TMTC3: variants seen among roughly 807,000 people sequenced by gnomAD.
The protein encoded by TMTC3 is protein O-mannosyl-transferase TMTC3.
TMTC3 carries 52 observed loss-of-function variants against 92.2 expected under a neutral mutation model. The observed-to-expected ratio is 0.56, with a 90% CI of 0.45 to 0.71. The LOEUF (loss-of-function observed/expected upper bound fraction) is 0.71, where lower values mean the gene tolerates loss of function less well. TMTC3 is among the 30% of genes least tolerant of loss of function. The probability of loss-of-function intolerance (pLI) is 0.00; values close to 1 mark genes in which losing one functional copy is unlikely to be tolerated. For synonymous variants in TMTC3, 339 were observed against 363.3 expected (o/e 0.93, Z 0.76); for missense variants, 896 against 1,057.1 (o/e 0.85, Z 2.11).
intron 8 of TMTC3, among the ~76,000 whole-genome samples, chr12:88,174,335 T>C (rs2041236350): frequency 6.6e-6 from 1 of 152,082 alleles, no homozygotes; most frequent in Admixed American, 6.6e-5. Flanking sequence ...AATTGGTTTT[T>C]TCCATTTTTT....
At position 88,153,288 on chromosome 12, in the gene TMTC3, T is replaced by TTTTTTTTA; in HGVS notation, c.190-3_190-2insTTTTTTTA. The TTTTTTTTA allele has an allele frequency of 6.2e-7, 1 of 1,606,046 alleles. No individual in the cohort carries two copies. The highest frequency in any genetic ancestry group is 1.7e-5 in the Admixed American group (1 of 59,122). On this transcript the variant is annotated splice_polypyrimidine_tract_variant and splice_region_variant and intron_variant, in intron 2 of 13. Coordinates refer to ENST00000266712, the MANE Select transcript of TMTC3 (RefSeq NM_181783.4). ...ATAATCACTGATCGTTTTTTCCTTG[T>TTTTTTTTA]AGGAGAGAAGCCACAAGTCTTACCG...
chr12:88,169,235 G>A (rs544252060), intron 7 of TMTC3, among the ~76,000 whole-genome samples: 2 of 152,258 alleles, frequency 1.3e-5, no homozygotes, highest in African/African-American at 4.8e-5. Flanking sequence ...GTATTAATCT[G>A]TTCAGCTTTG....
intron 1 of TMTC3, among the ~76,000 whole-genome samples, chr12:88,144,023 C>A (rs546348404): frequency 4.6e-5 from 7 of 152,154 alleles, no homozygotes; most frequent in African/African-American, 1.7e-4. Flanking sequence ...GATGCTAATG[C>A]ATTATAATTA....
intron 10 of TMTC3, among the ~76,000 whole-genome samples, chr12:88,184,822 C>G (rs1159225429): frequency 1.8e-4 from 28 of 152,022 alleles, no homozygotes; most frequent in Non-Finnish European, 3.2e-4. Context: ...TACACACACA[C>G]ATATGCATGC....
chr12:88,156,025 G>C (rs898061828), intron 4 of TMTC3, among the ~76,000 whole-genome samples: 1 of 152,090 alleles, frequency 6.6e-6, no homozygotes, highest in Non-Finnish European at 1.5e-5. Flanking sequence ...CAGGAGAATC[G>C]CTTGAACCTG....
chr12:88,152,870 G>A (rs1366164403), intron 2 of TMTC3, among the ~76,000 whole-genome samples: 1 of 152,112 alleles, frequency 6.6e-6, no homozygotes, highest in East Asian at 1.9e-4. Flanking sequence ...TAAGCATTCT[G>A]TTCTTACATT....
intron 10 of TMTC3, among the ~76,000 whole-genome samples, chr12:88,182,029 G>A (rs1394226259): frequency 6.6e-6 from 1 of 152,166 alleles, no homozygotes; most frequent in Non-Finnish European, 1.5e-5. Flanking sequence ...TAGAGATAGG[G>A]GCAATATTGC....
At position 88,160,864 on chromosome 12, in the gene TMTC3, G is replaced by A; in HGVS notation, c.797+13G>A. On this transcript the variant is annotated intron_variant, in intron 6 of 13. Coordinates refer to ENST00000266712, the MANE Select transcript of TMTC3 (RefSeq NM_181783.4). ...CAGTATTCACCAGGTATGAAATTCT[G>A]GTTCTTTGTTTTCTCCATTCTTTTT... 1 of 1,550,394 alleles carries A rather than the reference G, an allele frequency of 6.4e-7. No individual in the cohort carries two copies. Among genetic ancestry groups the A allele is most frequent in the Non-Finnish European group, 8.7e-7 (1 of 1,149,250 alleles).
At chr12:88,166,653 C>A in intron 7 of TMTC3, 71 bp downstream of exon 7, 1 of 1,470,822 alleles carries the variant, frequency 6.8e-7, no homozygotes, top group Admixed American at 2.4e-5. Flanking sequence ...ACCTTTAATT[C>A]AGCAAAAGCA....
intron 10 of TMTC3, among the ~76,000 whole-genome samples, chr12:88,183,356 A>G (rs1434639953): frequency 6.6e-6 from 1 of 152,154 alleles, no homozygotes; most frequent in Non-Finnish European, 1.5e-5. Flanking sequence ...GCCGAAAGTA[A>G]TGAGTTCATA....
At chr12:88,170,226 A>AT (rs1443944216) in intron 7 of TMTC3, among the ~76,000 whole-genome samples, 5 of 151,974 alleles carry the variant, frequency 3.3e-5, no homozygotes, top group East Asian at 3.9e-4. Context: ...TTCCTGAGAG[A>AT]TTTTTTTTGT....
chr12:88,172,942 TA>T, intron 8 of TMTC3, 197 bp downstream of exon 8: 1 of 1,474,978 alleles, frequency 6.8e-7, no homozygotes, highest in South Asian at 1.2e-5. Flanking sequence ...TTCTTCCCTA[TA>T]TTTATGTAAT....
chr12:88,150,185 T>C (rs2040924698), intron 2 of TMTC3, among the ~76,000 whole-genome samples: 1 of 152,142 alleles, frequency 6.6e-6, no homozygotes, highest in African/African-American at 2.4e-5. Context: ...AAGCTTGCAG[T>C]CATGGCAGAA....
At position 88,196,465 on chromosome 12, in the gene TMTC3, C is replaced by T. The variant is rs1378821208; in HGVS notation, c.*816C>T. ...TCTTAGATCGTAGTCATTGAGAAGT[C>T]CCAATAACTCTAAACTTTTGAGTTA... On this transcript the variant is annotated 3_prime_UTR_variant, in exon 14 of 14. Transcript: ENST00000266712. The T allele has an allele frequency of 6.6e-6, 1 of 151,994 alleles. No individual in the cohort carries two copies. Among genetic ancestry groups the T allele is most frequent in the Non-Finnish European group, 1.5e-5 (1 of 67,738 alleles). 9.4% of individuals were successfully genotyped at this position (151,994 alleles called of 1,614,324 possible).
rs1304750530 is a variant in TMTC3, at chr12:88,195,171, C to CA, written c.2274dup (p.Cys759MetfsTer3). Reference sequence around the variant, plus strand: ...AATCAAAAGAAAGATATACTAGGAGCAAAAAAATGTTTTGAAAGGATTTTG... The same window carrying CA: ...AATCAAAAGAAAGATATACTAGGAGCAAAAAAAATGTTTTGAAAGGATTTTG... On this transcript the variant is annotated frameshift_variant, in exon 14 of 14. Coordinates refer to ENST00000266712, the MANE Select transcript of TMTC3 (RefSeq NM_181783.4). LOFTEE classifies it high-confidence loss of function. 4 of 1,613,362 alleles carry CA rather than the reference C, an allele frequency of 2.5e-6. No homozygotes were observed. Among genetic ancestry groups the CA allele is most frequent in the Admixed American group, 1.7e-5 (1 of 59,886 alleles).
At chr12:88,151,687 C>G (rs2040944824) in intron 2 of TMTC3, among the ~76,000 whole-genome samples, 1 of 152,162 alleles carries the variant, frequency 6.6e-6, no homozygotes, top group Admixed American at 6.5e-5. Context: ...AATACATATT[C>G]CCTTCTACTT....
chr12:88,154,720 G>A (rs1030672055), intron 4 of TMTC3, among the ~76,000 whole-genome samples: 1 of 152,038 alleles, frequency 6.6e-6, no homozygotes, highest in Non-Finnish European at 1.5e-5. Context: ...TATTTCAGTT[G>A]TCTTTGGATA....
At chr12:88,184,282 G>A (rs994863498) in intron 10 of TMTC3, among the ~76,000 whole-genome samples, 1 of 152,160 alleles carries the variant, frequency 6.6e-6, no homozygotes, top group Non-Finnish European at 1.5e-5. Flanking sequence ...GACCCCCCAA[G>A]TAGAGAGCAG....
At position 88,198,279 on chromosome 12, in the gene TMTC3, C is replaced by G. The variant is rs1465323097; in HGVS notation, c.*2630C>G. On this transcript the variant is annotated 3_prime_UTR_variant, in exon 14 of 14. Coordinates refer to ENST00000266712, the MANE Select transcript of TMTC3 (RefSeq NM_181783.4). ...GCACATTTAAGGTCAGTTCACTAAC[C>G]TATGGTTCAGAGTTCTGATCATATG... is the stretch of plus-strand genomic sequence containing the variant. 2.5e-6 allele frequency: 1 copy of G among 397,534 alleles called. No homozygotes were observed. The highest frequency in any genetic ancestry group is 2.1e-5 in the African/African-American group (1 of 48,492). 24.6% of individuals were successfully genotyped at this position (397,534 alleles called of 1,614,324 possible).
Sources: allele counts gnomAD v4.1 joint callset (sites outside exome capture counted in the v4.1 genomes callset), GRCh38; gene constraint gnomAD v4.1.1; transcripts MANE v1.5; gene names NCBI Gene and HGNC (gene_info 2026-07-23, HGNC 2026-07-21).